The following RAB7B variants were observed in gnomAD, a reference collection of about 807,000 sequenced individuals.
The protein encoded by RAB7B is ras-related protein Rab-7b.
At chr1:205,979,431 G>A (rs981947618) in intron 5 of RAB7B, among the ~76,000 whole-genome samples, 36 of 151,962 alleles carry the variant, frequency 2.4e-4, no homozygotes, top group Non-Finnish European at 4.0e-4. Flanking sequence ...TGTTTCTCCC[G>A]GGCCCTTTTG....
chr1:205,982,340 T>C (rs968765202), intron 5 of RAB7B, among the ~76,000 whole-genome samples: 4 of 152,212 alleles, frequency 2.6e-5, no homozygotes, highest in African/African-American at 4.8e-5. Flanking sequence ...CAGCTCCTGA[T>C]GTTTCTACCT....
intron 4 of RAB7B, among the ~76,000 whole-genome samples, chr1:205,988,086 T>A (rs1484182057): frequency 6.6e-6 from 1 of 152,126 alleles, no homozygotes; most frequent in Non-Finnish European, 1.5e-5. Context: ...TTCGGTACAT[T>A]CATATTGTAT....
At chr1:205,991,939 T>C (rs1465788251) in intron 4 of RAB7B, among the ~76,000 whole-genome samples, 4 of 152,254 alleles carry the variant, frequency 2.6e-5, no homozygotes, top group African/African-American at 9.6e-5. Context: ...GTTAACCCGA[T>C]GGTCCGGAAT....
rs1020029498 is a variant in RAB7B at position 205,978,769 on chromosome 1, G to A, written c.*82C>T. On this transcript the variant is annotated 3_prime_UTR_variant, in exon 6 of 6. Transcript: ENST00000617070. ...TGGGCAGGCAGTGGGGCTGGAGGGG[G>A]ATGGTCACCTGTTCTCAAGCCTGGG... is the stretch of plus-strand genomic sequence containing the variant. 65 of 397,896 alleles carry A rather than the reference G, an allele frequency of 1.6e-4. 1 individual carries two copies. Among genetic ancestry groups the A allele is most frequent in the Admixed American group, 1.1e-3 (24 of 22,708 alleles). 24.6% of individuals were successfully genotyped at this position (397,896 alleles called of 1,614,324 possible). A position where few individuals can be genotyped will look rare whatever the true frequency, so the allele number is the denominator to read the frequency against.
At chr1:206,000,968 G>C (rs1399342979) in intron 1 of RAB7B, among the ~76,000 whole-genome samples, 2 of 152,158 alleles carry the variant, frequency 1.3e-5, no homozygotes, top group Non-Finnish European at 2.9e-5. Context: ...CTTAACTTTG[G>C]GCTCCCACAT....
At chr1:205,994,672 G>GT (rs1448536097) in intron 1 of RAB7B, among the ~76,000 whole-genome samples, 1 of 152,182 alleles carries the variant, frequency 6.6e-6, no homozygotes, top group African/African-American at 2.4e-5. Context: ...ATTCATACAT[G>GT]TTTCTGGAAA....
intron 4 of RAB7B, among the ~76,000 whole-genome samples, chr1:205,991,825 T>C (rs1660726457): frequency 6.6e-6 from 1 of 152,218 alleles, no homozygotes; most frequent in Admixed American, 6.5e-5. Context: ...TCTTTCCTCA[T>C]TAGTAGGCAA....
At chr1:205,992,434 G>A in intron 4 of RAB7B, 46 bp downstream of exon 4, 1 of 398,558 alleles carries the variant, frequency 2.5e-6, no homozygotes, top group African/African-American at 2.1e-5. Context: ...GCACATAGTG[G>A]GTGCTCATAT....
At chr1:205,985,723 T>A in intron 4 of RAB7B, 58 bp from the exon 5 acceptor site, 1 of 46,418 alleles carries the variant, frequency 2.2e-5, no homozygotes. Flanking sequence ...TCACCACCAT[T>A]GCCACCATCA....
chr1:205,992,438 C>T, intron 4 of RAB7B, 42 bp downstream of exon 4: 1 of 398,634 alleles, frequency 2.5e-6, no homozygotes, highest in Non-Finnish European at 4.4e-6. Context: ...ATAGTGGGTG[C>T]TCATATAATG....
At chr1:205,997,737 G>A (rs1385348337) in intron 1 of RAB7B, among the ~76,000 whole-genome samples, 8 of 152,346 alleles carry the variant, frequency 5.3e-5, no homozygotes, top group African/African-American at 1.9e-4. Flanking sequence ...GGCTCTCGAA[G>A]TATTTGTTAT....
chr1:205,986,505 C>T (rs985244022), intron 4 of RAB7B, among the ~76,000 whole-genome samples: 5 of 152,240 alleles, frequency 3.3e-5, no homozygotes, highest in African/African-American at 1.2e-4. Flanking sequence ...TGCATAAGAA[C>T]CATGCCTCTC....
intron 1 of RAB7B, among the ~76,000 whole-genome samples, chr1:205,995,688 CT>C (rs1277134425): frequency 6.6e-6 from 1 of 152,132 alleles, no homozygotes; most frequent in Non-Finnish European, 1.5e-5. Context: ...AAAAATTGAA[CT>C]CGTAGAAGTA....
At chr1:205,989,226 C>T (rs1003275445) in intron 4 of RAB7B, among the ~76,000 whole-genome samples, 2 of 152,152 alleles carry the variant, frequency 1.3e-5, no homozygotes, top group South Asian at 2.1e-4. Context: ...GCTTCCCCAG[C>T]GCCCCCTCTT....
intron 5 of RAB7B, among the ~76,000 whole-genome samples, chr1:205,983,040 C>T (rs905656900): frequency 0.97 from 147,968 of 152,288 alleles, 72,033 homozygotes; most frequent in East Asian, 1. Flanking sequence ...AGCTCCTGAG[C>T]ACCTCGGGCA....
chr1:205,984,161 G>C (rs1003054135), intron 5 of RAB7B: 1 of 152,266 alleles, frequency 6.6e-6, no homozygotes, highest in African/African-American at 2.4e-5. Context: ...CAAGCACTAA[G>C]AGAGGGACAC....
At chr1:205,983,145 T>C (rs1404751148) in intron 5 of RAB7B, among the ~76,000 whole-genome samples, 1 of 152,172 alleles carries the variant, frequency 6.6e-6, no homozygotes, top group Non-Finnish European at 1.5e-5. Flanking sequence ...GCTGGCTTCA[T>C]CACTAACTAT....
chr1:206,001,860 C>T lies in RAB7B; in HGVS notation c.-17+1393G>A, dbSNP rs889297180. ...CCAGCCCTCCAAGAACGCTGGAACC[C>T]CCTTCCCTCTCATTTCTCACTTCCT... is the stretch of plus-strand genomic sequence containing the variant. On this transcript the variant is annotated intron_variant, in intron 1 of 5. Coordinates refer to ENST00000617070, the MANE Select transcript of RAB7B (RefSeq NM_001164522.3). 2.9e-4 allele frequency among the ~76,000 whole-genome samples: 44 copies of T among 152,134 alleles called. 1 individual carries two copies. The highest frequency in any genetic ancestry group is 5.3e-4 in the Non-Finnish European group (36 of 68,028).
intron 1 of RAB7B, among the ~76,000 whole-genome samples, chr1:205,994,914 A>G (rs1409133337): frequency 1.3e-5 from 2 of 152,202 alleles, no homozygotes; most frequent in Admixed American, 6.5e-5. Context: ...ATATGGGAAA[A>G]TGCTCATGCC....
Sources: allele counts gnomAD v4.1 joint callset (sites outside exome capture counted in the v4.1 genomes callset), GRCh38; gene constraint gnomAD v4.1.1; transcripts MANE v1.5; gene names NCBI Gene and HGNC (gene_info 2026-07-23, HGNC 2026-07-21).